CTNNA2: variants seen among roughly 807,000 people sequenced by gnomAD.
The protein encoded by CTNNA2 is catenin alpha 2, also known as catenin alpha-2.
A neutral mutation model predicts 101.0 loss-of-function variants in CTNNA2; 42 were observed. The observed-to-expected ratio is 0.42, with a 90% CI of 0.32 to 0.54. The LOEUF is 0.54. Among genes scored for constraint, CTNNA2 ranks in the 20% least tolerant of loss-of-function variants. CTNNA2 has a pLI of 0.14. For synonymous variants in CTNNA2, 450 were observed against 456.4 expected, an observed-to-expected ratio of 0.99 and a Z score of 0.18; for missense variants, 871 against 1,223.1, an observed-to-expected ratio of 0.71 and a Z score of 4.29.
chr2:79,234,271 T>C (rs755181360), intron 2 of CTNNA2, among the ~76,000 whole-genome samples: 1 of 151,964 alleles, frequency 6.6e-6, no homozygotes, highest in Non-Finnish European at 1.5e-5. Context: ...CTGAGAAGGA[T>C]TTTTATTTCT....
At chr2:80,368,355 T>G (rs1675125496) in intron 7 of CTNNA2, among the ~76,000 whole-genome samples, 1 of 152,178 alleles carries the variant, frequency 6.6e-6, no homozygotes, top group African/African-American at 2.4e-5. Context: ...TTTTAAATTA[T>G]TAGTAGTAAT....
At chr2:80,618,852 A>G (rs948505805) in intron 17 of CTNNA2, 4 of 317,790 alleles carry the variant, frequency 1.3e-5, no homozygotes, top group South Asian at 1.5e-4. Flanking sequence ...CTCCTCCCAC[A>G]TGGTTCCTTT....
chr2:79,322,229 C>A (rs1676641470), intron 3 of CTNNA2, among the ~76,000 whole-genome samples: 1 of 152,292 alleles, frequency 6.6e-6, no homozygotes, highest in East Asian at 1.9e-4. Flanking sequence ...GAAGACTCTG[C>A]TTGAGAAGTT....
intron 3 of CTNNA2, among the ~76,000 whole-genome samples, chr2:79,783,697 T>C (rs1674624130): frequency 6.6e-6 from 1 of 152,166 alleles, no homozygotes; most frequent in Admixed American, 6.5e-5. Flanking sequence ...CTCTACTATG[T>C]TTCTCCATGT....
At chr2:80,581,927 G>T in intron 14 of CTNNA2, 108 bp downstream of exon 14, 1 of 670,088 alleles carries the variant, frequency 1.5e-6, no homozygotes, top group South Asian at 1.7e-5. Context: ...AGATTCATGG[G>T]TCAGAAATCT....
At chr2:79,286,221 G>A (rs982919770) in intron 2 of CTNNA2, among the ~76,000 whole-genome samples, 46 of 152,118 alleles carry the variant, frequency 3.0e-4, no homozygotes, top group African/African-American at 1.1e-3. Context: ...TTGCCAGTCT[G>A]TGTCTTTTAA....
intron 7 of CTNNA2, among the ~76,000 whole-genome samples, chr2:79,927,581 G>C (rs1267365717): frequency 6.6e-6 from 1 of 152,116 alleles, no homozygotes; most frequent in Non-Finnish European, 1.5e-5. Flanking sequence ...CTTTTCATGA[G>C]ATGTATTTAT....
At chr2:80,591,357 G>A (rs1410839711) in intron 15 of CTNNA2, among the ~76,000 whole-genome samples, 1 of 151,748 alleles carries the variant, frequency 6.6e-6, no homozygotes, top group Non-Finnish European at 1.5e-5. Context: ...GGCAAAGGGA[G>A]GAGTATAGTA....
chr2:79,833,800 T>C (rs893782912), intron 3 of CTNNA2, among the ~76,000 whole-genome samples: 3 of 152,224 alleles, frequency 2.0e-5, no homozygotes, highest in African/African-American at 4.8e-5. Flanking sequence ...ATTTTTGCCA[T>C]ATATGCATCC....
At chr2:79,191,750 A>G (rs184959090) in intron 1 of CTNNA2, among the ~76,000 whole-genome samples, 2 of 152,272 alleles carry the variant, frequency 1.3e-5, no homozygotes, top group Admixed American at 1.3e-4. Context: ...TTATCAGGTT[A>G]CAGGAGGGGC....
intron 1 of CTNNA2, among the ~76,000 whole-genome samples, chr2:79,608,473 G>T (rs1010648892): frequency 9.2e-5 from 14 of 151,930 alleles, no homozygotes; most frequent in Non-Finnish European, 5.9e-5. Flanking sequence ...TACAAAACAT[G>T]GAAGTATTCT....
rs552662804 is a variant in CTNNA2, at chr2:79,362,119, C to T, written c.-317-11712C>T. ...CCATCTGGAGCTTATTCAAGCCTCT[C>T]CAATTAAGCAGTGACTATACTAAGC... On this transcript the variant is annotated intron_variant, in intron 3 of 21. Coordinates refer to the CTNNA2 transcript ENST00000466387. Among the ~76,000 whole-genome samples, 4 of 152,270 alleles carry T rather than the reference C, an allele frequency of 2.6e-5. 1 individual carries two copies. In the South Asian group the frequency reaches 8.3e-4, roughly 32 times the overall value.
intron 4 of CTNNA2, among the ~76,000 whole-genome samples, chr2:79,433,926 C>A (rs1472337619): frequency 6.6e-6 from 1 of 152,032 alleles, no homozygotes; most frequent in Non-Finnish European, 1.5e-5. Flanking sequence ...GCTAAAGAAG[C>A]CAAGCAATAG....
At position 79,803,122 on chromosome 2, in the gene CTNNA2, G is replaced by A. The variant is rs80239526; in HGVS notation, c.299-54891G>A. 4.7e-4 allele frequency among the ~76,000 whole-genome samples: 71 copies of A among 152,208 alleles called. No homozygotes were observed. In the East Asian group the frequency reaches 0.012, roughly 26 times the overall value. On this transcript the variant is annotated intron_variant, in intron 3 of 18. Coordinates refer to ENST00000402739, the MANE Select transcript of CTNNA2 (RefSeq NM_001282597.3). ...TAAATTGATAACATCATTTTCAGAT[G>A]GAATCCACTTTGAATTGTCTATTTT...
At chr2:80,386,901 T>C (rs1677059607) in intron 7 of CTNNA2, among the ~76,000 whole-genome samples, 1 of 152,198 alleles carries the variant, frequency 6.6e-6, no homozygotes, top group Non-Finnish European at 1.5e-5. Flanking sequence ...ATGGTTGATG[T>C]GCAGCCATGG....
At chr2:80,418,426 G>A (rs1436878663) in intron 8 of CTNNA2, among the ~76,000 whole-genome samples, 1 of 152,176 alleles carries the variant, frequency 6.6e-6, no homozygotes, top group Non-Finnish European at 1.5e-5. Flanking sequence ...TGTGGGAGAT[G>A]TCAACTTTAC....
chr2:80,088,506 G>A lies in CTNNA2; in HGVS notation c.1056+178709G>A, dbSNP rs139637571. On this transcript the variant is annotated intron_variant, in intron 7 of 18. Transcript: ENST00000402739. Reference sequence around the variant, plus strand: ...GCATATGTTTGTGGAATTAGTGGGAGTAGACATATTTATTCAACAAGTCTA... The same window carrying A: ...GCATATGTTTGTGGAATTAGTGGGAATAGACATATTTATTCAACAAGTCTA... Among the ~76,000 whole-genome samples, 3 of 152,090 alleles carry A rather than the reference G, an allele frequency of 2.0e-5. No individual in the cohort carries two copies. In the East Asian group the frequency reaches 5.8e-4, roughly 29 times the overall value.
At chr2:79,957,211 G>A (rs1227007592) in intron 7 of CTNNA2, among the ~76,000 whole-genome samples, 1 of 152,082 alleles carries the variant, frequency 6.6e-6, no homozygotes, top group African/African-American at 2.4e-5. Flanking sequence ...TCCAAATCCC[G>A]ATGTCTTCAT....
chr2:79,902,982 G>C (rs1261876255), intron 6 of CTNNA2, among the ~76,000 whole-genome samples: 1 of 152,158 alleles, frequency 6.6e-6, no homozygotes, highest in African/African-American at 2.4e-5. Context: ...GTGCCATACA[G>C]TTTCTGTCCT....
Sources: allele counts gnomAD v4.1 joint callset (sites outside exome capture counted in the v4.1 genomes callset), GRCh38; gene constraint gnomAD v4.1.1; transcripts MANE v1.5; gene names NCBI Gene and HGNC (gene_info 2026-07-23, HGNC 2026-07-21).